Variants in CELF4 observed in about 807,000 individuals in gnomAD.
CELF4 encodes CUGBP Elav-like family member 4.
Under a neutral mutation model 59.9 loss-of-function variants are expected in CELF4, and 18 were observed. The observed-to-expected ratio is 0.30, with a 90% CI of 0.21 to 0.45. The LOEUF (loss-of-function observed/expected upper bound fraction) is 0.45, where lower values mean the gene tolerates loss of function less well. CELF4 is among the 20% of genes least tolerant of loss of function. The probability of loss-of-function intolerance (pLI) is 1.00; values close to 1 mark genes in which losing one functional copy is unlikely to be tolerated. For missense variants in CELF4, 456 were observed against 689.0 expected (o/e 0.66, Z 3.79); for synonymous variants, 261 against 267.1 (o/e 0.98, Z 0.22).
At chr18:37,327,306 G>A (rs1294861311) in intron 2 of CELF4, among the ~76,000 whole-genome samples, 2 of 152,150 alleles carry the variant, frequency 1.3e-5, no homozygotes, top group Non-Finnish European at 2.9e-5. Context: ...TGAGAAGGTG[G>A]CTCTGATTCA....
intron 1 of CELF4, among the ~76,000 whole-genome samples, chr18:37,487,805 A>G (rs2099884523): frequency 6.6e-6 from 1 of 152,228 alleles, no homozygotes; most frequent in African/African-American, 2.4e-5. Context: ...TATTGTTTCC[A>G]TGGCCCAAGA....
At chr18:37,410,092 G>A (rs1431853856) in intron 2 of CELF4, among the ~76,000 whole-genome samples, 10 of 152,260 alleles carry the variant, frequency 6.6e-5, no homozygotes, top group African/African-American at 1.9e-4. Flanking sequence ...GCCACTCCCC[G>A]TGCCGATGTG....
rs1408344551 is a variant in CELF4, at chr18:37,430,005, C to T, written c.369+55520G>A. 2.0e-5 allele frequency among the ~76,000 whole-genome samples: 3 copies of T among 152,220 alleles called. No homozygotes were observed. In the East Asian group the frequency reaches 5.8e-4, roughly 29 times the overall value. On this transcript the variant is annotated intron_variant, in intron 2 of 12. Coordinates refer to ENST00000420428, the MANE Select transcript of CELF4 (RefSeq NM_020180.4). ...CAGGCCAGCTAGTTCCTCCTACTGGCCACGCCCTTTGTCTCAGGCACCTCC... is the reference window on the plus strand; with the variant it reads ...CAGGCCAGCTAGTTCCTCCTACTGGTCACGCCCTTTGTCTCAGGCACCTCC...
intron 2 of CELF4, among the ~76,000 whole-genome samples, chr18:37,448,057 T>C (rs1463653415): frequency 8.5e-5 from 13 of 152,234 alleles, no homozygotes; most frequent in Admixed American, 8.5e-4. Flanking sequence ...CATTCAGTGA[T>C]TCCCAAATTA....
chr18:37,269,570 C>G (rs2090128058), intron 8 of CELF4, among the ~76,000 whole-genome samples: 1 of 152,208 alleles, frequency 6.6e-6, no homozygotes, highest in South Asian at 2.1e-4. Flanking sequence ...GGCCTGCCTG[C>G]CGTGTGTGCC....
At chr18:37,440,195 G>A (rs751728750) in intron 2 of CELF4, among the ~76,000 whole-genome samples, 6 of 152,198 alleles carry the variant, frequency 3.9e-5, no homozygotes, top group Admixed American at 2.6e-4. Context: ...ACACGCTCCC[G>A]GTGGAGTTTT....
intron 2 of CELF4, among the ~76,000 whole-genome samples, chr18:37,401,414 G>A (rs2099325354): frequency 6.6e-6 from 1 of 152,210 alleles, no homozygotes; most frequent in Admixed American, 6.5e-5. Flanking sequence ...AGTGAGCTCT[G>A]CATTTGTGGG....
intron 2 of CELF4, among the ~76,000 whole-genome samples, chr18:37,415,097 G>C (rs2099516702): frequency 6.6e-6 from 1 of 152,232 alleles, no homozygotes; most frequent in East Asian, 1.9e-4. Flanking sequence ...ATGTGGAGTA[G>C]GAGAAAATAT....
At chr18:37,474,361 G>C (rs928662306) in intron 2 of CELF4, among the ~76,000 whole-genome samples, 2 of 152,218 alleles carry the variant, frequency 1.3e-5, no homozygotes, top group African/African-American at 4.8e-5. Context: ...GTGACACCTC[G>C]AGGGCCACTG....
intron 3 of CELF4, among the ~76,000 whole-genome samples, chr18:37,320,310 T>C (rs1171829908): frequency 3.4e-5 from 4 of 118,116 alleles, no homozygotes; most frequent in Non-Finnish European, 6.5e-5. Flanking sequence ...CACTCCAGCC[T>C]GGGCGACAGA....
intron 2 of CELF4, among the ~76,000 whole-genome samples, chr18:37,408,857 C>T (rs943748038): frequency 6.6e-6 from 1 of 152,176 alleles, no homozygotes; most frequent in East Asian, 1.9e-4. Context: ...GTTTGTCTCC[C>T]TCTCCACCTG....
intron 2 of CELF4, among the ~76,000 whole-genome samples, chr18:37,445,295 G>A (rs2099745111): frequency 6.6e-6 from 1 of 151,984 alleles, no homozygotes; most frequent in Non-Finnish European, 1.5e-5. Flanking sequence ...AGAGAGCGCG[G>A]CCAGGGTCTT....
intron 2 of CELF4, among the ~76,000 whole-genome samples, chr18:37,344,102 A>G (rs2154549697): frequency 6.6e-6 from 1 of 152,338 alleles, no homozygotes; most frequent in East Asian, 1.9e-4. Context: ...TGTCAGCTCC[A>G]CACTGTTCAT....
chr18:37,510,916 T>A (rs1210393450), intron 1 of CELF4, among the ~76,000 whole-genome samples: 1 of 152,140 alleles, frequency 6.6e-6, no homozygotes, highest in Non-Finnish European at 1.5e-5. Flanking sequence ...AGCTCTGCCT[T>A]CCTGGGTGGT....
At chr18:37,434,362 G>A (rs1216226943) in intron 2 of CELF4, among the ~76,000 whole-genome samples, 1 of 152,284 alleles carries the variant, frequency 6.6e-6, no homozygotes, top group East Asian at 1.9e-4. Flanking sequence ...AACTGCTGTT[G>A]TGACCACTGA....
intron 2 of CELF4, among the ~76,000 whole-genome samples, chr18:37,393,159 C>T (rs532125756): frequency 6.6e-6 from 1 of 152,200 alleles, no homozygotes; most frequent in East Asian, 1.9e-4. Context: ...AGGGTACAGG[C>T]TTGAGGAGAT....
intron 2 of CELF4, among the ~76,000 whole-genome samples, chr18:37,434,752 G>A (rs541357116): frequency 6.4e-4 from 97 of 152,208 alleles, no homozygotes; most frequent in Non-Finnish European, 1.2e-3. Context: ...CCTGTCCCAC[G>A]GCCCTTTCAG....
In CELF4 at chr18:37,506,769, C is replaced by T. The variant is rs1258605312; in HGVS notation, c.287-21162G>A. Among the ~76,000 whole-genome samples, 3 of 152,316 alleles carry T rather than the reference C, an allele frequency of 2.0e-5. No homozygotes were observed. The East Asian group carries it at 5.8e-4, about 29-fold the overall frequency. ...CCATTAAACGCAATGTGGCGCTTCC[C>T]TGGGAAATGGGGGGAAGCATCGCGC... On this transcript the variant is annotated intron_variant, in intron 1 of 12. Coordinates refer to ENST00000420428, the MANE Select transcript of CELF4 (RefSeq NM_020180.4).
intron 2 of CELF4, among the ~76,000 whole-genome samples, chr18:37,408,256 A>G (rs2154591505): frequency 6.6e-6 from 1 of 152,242 alleles, no homozygotes; most frequent in South Asian, 2.1e-4. Flanking sequence ...TTAAAATTCT[A>G]TATCCATGAT....
Sources: gnomAD v4.1 joint callset for allele counts (sites outside exome capture counted in the v4.1 genomes callset) on GRCh38, gnomAD v4.1.1 for gene constraint, MANE v1.5 for transcripts, NCBI Gene and HGNC (gene_info 2026-07-23, HGNC 2026-07-21) for gene names.